ITPR1: variants seen among roughly 807,000 people sequenced by gnomAD.
ITPR1 encodes inositol 1,4,5-trisphosphate receptor type 1, also known as inositol 1,4,5-trisphosphate-gated calcium channel ITPR1.
In ITPR1, 96 loss-of-function variants were observed where a neutral mutation model predicts 318.4. That is an observed-to-expected ratio of 0.30 (90% CI 0.26 to 0.36). The LOEUF (loss-of-function observed/expected upper bound fraction) is 0.36, where lower values mean the gene tolerates loss of function less well. Ranked by LOEUF, ITPR1 falls within the 10% of genes least tolerant of loss-of-function variation. The pLI is 1.00. For missense variants in ITPR1, 2,440 were observed against 3,460.2 expected (o/e 0.71, Z 7.40); for synonymous variants, 1,312 against 1,289.9 (o/e 1.02, Z -0.37).
At chr3:4,530,187 A>G (rs1383856711) in intron 4 of ITPR1, among the ~76,000 whole-genome samples, 2 of 152,230 alleles carry the variant, frequency 1.3e-5, no homozygotes, top group Non-Finnish European at 1.5e-5. Context: ...TCTTGAGTAT[A>G]GTATTTATCA....
At chr3:4,695,166 ATAAT>A (rs1464125893) in intron 33 of ITPR1, among the ~76,000 whole-genome samples, 11 of 152,202 alleles carry the variant, frequency 7.2e-5, no homozygotes, top group African/African-American at 2.7e-4. Flanking sequence ...ATAATAATGA[ATAAT>A]TAATTGCTGT....
intron 36 of ITPR1, 60 bp from the exon 37 acceptor site, chr3:4,706,107 C>A (rs2094750739): frequency 6.3e-7 from 1 of 1,580,798 alleles, no homozygotes. Flanking sequence ...GCATTACGTC[C>A]ATCTGTAGGG....
At chr3:4,684,205 G>A in intron 28 of ITPR1, 76 bp from the exon 29 acceptor site, 1 of 919,740 alleles carries the variant, frequency 1.1e-6, no homozygotes, top group South Asian at 1.4e-5. Context: ...TTTCCTAAAG[G>A]TCGATGCTAA....
At chr3:4,708,827 C>T (rs866864250) in intron 37 of ITPR1, among the ~76,000 whole-genome samples, 2 of 152,202 alleles carry the variant, frequency 1.3e-5, no homozygotes, top group Non-Finnish European at 2.9e-5. Context: ...ATAAGAAATT[C>T]ACTCGCAAAC....
rs757463148 is a variant in ITPR1, at chr3:4,645,564, T to C, written c.709-18T>C. The C allele has an allele frequency of 2.4e-5, 38 of 1,612,402 alleles. No individual in the cohort carries two copies. The South Asian group carries it at 4.2e-4, about 18-fold the overall frequency. ...TTAAATTCTTTTTTCCTTAATTCTT[T>C]CTTGTGTTGACTGTCAGGGTGACGT... On this transcript the variant is annotated intron_variant, in intron 9 of 61. Coordinates refer to ENST00000649015, the MANE Select transcript of ITPR1 (RefSeq NM_001378452.1).
chr3:4,554,534 A>G (rs1209154795), intron 4 of ITPR1, among the ~76,000 whole-genome samples: 1 of 152,074 alleles, frequency 6.6e-6, no homozygotes. Context: ...TGGTGAGCTC[A>G]CTGGTGGGTT....
intron 43 of ITPR1, 70 bp downstream of exon 43, chr3:4,733,290 C>T: frequency 6.4e-7 from 1 of 1,557,836 alleles, no homozygotes; most frequent in East Asian, 2.3e-5. Flanking sequence ...ATGTTTCCTC[C>T]TAACAGGTTG....
At chr3:4,631,650 A>G (rs1463906514) in intron 5 of ITPR1, among the ~76,000 whole-genome samples, 1 of 152,174 alleles carries the variant, frequency 6.6e-6, no homozygotes, top group Non-Finnish European at 1.5e-5. Context: ...TTTTTCCAAA[A>G]TAATCAGCAG....
At chr3:4,521,214 A>C (rs1305865648) in intron 4 of ITPR1, 120 bp downstream of exon 4, 3 of 681,254 alleles carry the variant, frequency 4.4e-6, no homozygotes, top group Admixed American at 5.8e-5. Flanking sequence ...TATTTTTTTC[A>C]GAGTATGATT....
chr3:4,494,008 G>A (rs528625509), intron 1 of ITPR1, among the ~76,000 whole-genome samples: 1 of 151,554 alleles, frequency 6.6e-6, no homozygotes, highest in South Asian at 2.1e-4. Context: ...AATAATGCAT[G>A]TGTAGGGGCC....
At chr3:4,495,382 A>T (rs900962406) in intron 2 of ITPR1, among the ~76,000 whole-genome samples, 2 of 152,304 alleles carry the variant, frequency 1.3e-5, no homozygotes, top group Non-Finnish European at 2.9e-5. Context: ...GGCTTTTCTA[A>T]TGAGAAAATA....
intron 2 of ITPR1, among the ~76,000 whole-genome samples, chr3:4,509,807 A>T (rs2081663344): frequency 6.6e-6 from 1 of 152,180 alleles, no homozygotes; most frequent in Non-Finnish European, 1.5e-5. Context: ...TAAAAAACAA[A>T]ACCAGTATAA....
chr3:4,688,375 C>G, intron 30 of ITPR1, 120 bp from the exon 31 acceptor site: 1 of 1,190,482 alleles, frequency 8.4e-7, no homozygotes, highest in Non-Finnish European at 1.2e-6. Context: ...TCAATATTTA[C>G]CCACAACAGG....
chr3:4,718,778 C>T (rs1028934495), intron 40 of ITPR1, among the ~76,000 whole-genome samples: 2 of 152,146 alleles, frequency 1.3e-5, no homozygotes, highest in Non-Finnish European at 1.5e-5. Context: ...AATTAACTGC[C>T]GTTAACTGCA....
chr3:4,777,437 G>C, intron 48 of ITPR1, 63 bp downstream of exon 48: 1 of 973,184 alleles, frequency 1.0e-6, no homozygotes, highest in South Asian at 1.4e-5. Flanking sequence ...GTTTTGCCTT[G>C]GCACATGCAC....
chr3:4,635,232 G>A (rs541725516), intron 5 of ITPR1, among the ~76,000 whole-genome samples: 139 of 152,358 alleles, frequency 9.1e-4, no homozygotes, highest in African/African-American at 3.0e-3. Context: ...GAAACTCCTA[G>A]AAGTGGAATT....
At chr3:4,727,060 C>A (rs2042568580) in intron 41 of ITPR1, 66 bp from the exon 42 acceptor site, 1 of 1,211,584 alleles carries the variant, frequency 8.3e-7, no homozygotes, top group East Asian at 2.3e-5. Flanking sequence ...TTATATGTGA[C>A]TGATGCTGCA....
chr3:4,656,007 C>G (rs577106639), intron 12 of ITPR1, among the ~76,000 whole-genome samples: 1 of 152,216 alleles, frequency 6.6e-6, no homozygotes, highest in Non-Finnish European at 1.5e-5. Flanking sequence ...GCTTCAGTGC[C>G]TGTGGTTTTT....
intron 4 of ITPR1, among the ~76,000 whole-genome samples, chr3:4,614,425 A>AATGAATC (rs1223544828): frequency 6.6e-6 from 1 of 152,058 alleles, no homozygotes; most frequent in African/African-American, 2.4e-5. Flanking sequence ...TTGAATGTTT[A>AATGAATC]CTCTGTGCCA....
Sources: gnomAD v4.1 joint callset for allele counts (sites outside exome capture counted in the v4.1 genomes callset) on GRCh38, gnomAD v4.1.1 for gene constraint, MANE v1.5 for transcripts, NCBI Gene and HGNC (gene_info 2026-07-23, HGNC 2026-07-21) for gene names.